ARHGEF10L: variants seen among roughly 807,000 people sequenced by gnomAD.
The protein encoded by ARHGEF10L is Rho guanine nucleotide exchange factor 10 like.
In ARHGEF10L, 69 loss-of-function variants were observed where a neutral mutation model predicts 141.2. That is an observed-to-expected ratio of 0.49 (90% CI 0.40 to 0.60). ARHGEF10L has a LOEUF of 0.60. Ranked by LOEUF, ARHGEF10L falls within the 20% of genes least tolerant of loss-of-function variation. The probability of loss-of-function intolerance (pLI) is 0.00; values close to 1 mark genes in which losing one functional copy is unlikely to be tolerated. For synonymous variants in ARHGEF10L, 711 were observed against 718.5 expected (o/e 0.99, Z 0.17); for missense variants, 1,482 against 1,734.3 (o/e 0.85, Z 2.58).
chr1:17,641,581 C>A (rs2061331298), intron 21 of ARHGEF10L, among the ~76,000 whole-genome samples: 1 of 152,154 alleles, frequency 6.6e-6, no homozygotes. Flanking sequence ...CAAGATCATG[C>A]CACTGCACTC....
intron 4 of ARHGEF10L, among the ~76,000 whole-genome samples, chr1:17,595,777 G>A (rs2080037235): frequency 1.3e-5 from 2 of 152,182 alleles, no homozygotes; most frequent in Admixed American, 1.3e-4. Context: ...CCACGTGCCA[G>A]CCCCTGTGCC....
intron 7 of ARHGEF10L, among the ~76,000 whole-genome samples, chr1:17,609,129 G>T (rs2059411600): frequency 6.6e-6 from 1 of 152,190 alleles, no homozygotes; most frequent in Non-Finnish European, 1.5e-5. Context: ...GCTCCACCTG[G>T]GGCCATTCCT....
At chr1:17,635,468 C>T (rs1396216485) in intron 18 of ARHGEF10L, among the ~76,000 whole-genome samples, 1 of 152,206 alleles carries the variant, frequency 6.6e-6, no homozygotes, top group Non-Finnish European at 1.5e-5. Context: ...TCCCTCTGCC[C>T]CTTCTCTCTG....
At position 17,644,882 on chromosome 1, in the gene ARHGEF10L, C is replaced by T. The variant is rs2061505338; in HGVS notation, c.2273-3672C>T. 6.6e-6 allele frequency among the ~76,000 whole-genome samples: 1 copy of T among 152,162 alleles called. No individual in the cohort carries two copies. Among genetic ancestry groups the T allele is most frequent in the Non-Finnish European group, 1.5e-5 (1 of 68,034 alleles). On this transcript the variant is annotated intron_variant, in intron 21 of 28. Transcript: ENST00000361221. The surrounding 1 kb of genome is among the most constrained non-coding windows in gnomAD (Gnocchi z 4.5). ...GTCATGATATATATGATTTCCAGTGCTCACAACTCCAGATGGTTGGCGTTC... is the reference window on the plus strand; with the variant it reads ...GTCATGATATATATGATTTCCAGTGTTCACAACTCCAGATGGTTGGCGTTC...
At chr1:17,676,987 G>A (rs1197507176) in intron 26 of ARHGEF10L, among the ~76,000 whole-genome samples, 3 of 151,800 alleles carry the variant, frequency 2.0e-5, no homozygotes, top group East Asian at 1.9e-4. Context: ...TCTCTGCATC[G>A]GGCCGTAAAC....
rs561087723 is a variant in ARHGEF10L, at chr1:17,585,490, C to A, written c.38-1970C>A. On this transcript the variant is annotated intron_variant, in intron 2 of 28. Transcript: ENST00000361221. Reference sequence around the variant, plus strand: ...CCACATCGCTGCCCAGAGTCCACCCCTGCTGACCTGGCCTGTGGGATCCCC... The same window carrying A: ...CCACATCGCTGCCCAGAGTCCACCCATGCTGACCTGGCCTGTGGGATCCCC... Among the ~76,000 whole-genome samples the A allele has an allele frequency of 2.6e-5, 4 of 152,298 alleles. No homozygotes were observed. In the East Asian group the frequency reaches 5.8e-4, roughly 22 times the overall value.
Position 17,638,706 on chromosome 1 carries a change from T to C in ARHGEF10L, c.2171+17T>C, listed in dbSNP as rs775663231. The C allele has an allele frequency of 1.2e-6, 2 of 1,613,422 alleles. No individual in the cohort carries two copies. The highest frequency in any genetic ancestry group is 1.7e-5 in the Admixed American group (1 of 60,010). ...ACCCGACAAGTGAGAGGAGGGGGTC[T>C]TGGAGGGAGGGCTGCTGCCTCTGCT... is the stretch of plus-strand genomic sequence containing the variant. On this transcript the variant is annotated intron_variant, in intron 20 of 28. Transcript: ENST00000361221.
intron 1 of ARHGEF10L, among the ~76,000 whole-genome samples, chr1:17,571,918 T>C (rs2078017752): frequency 6.6e-6 from 1 of 152,214 alleles, no homozygotes; most frequent in South Asian, 2.1e-4. Context: ...AAAGACGTCC[T>C]TGTACCATGC....
intron 21 of ARHGEF10L, among the ~76,000 whole-genome samples, chr1:17,646,561 T>C (rs1048394508): frequency 6.6e-6 from 1 of 152,128 alleles, no homozygotes; most frequent in African/African-American, 2.4e-5. Flanking sequence ...CCTACCTCCA[T>C]GTGCACACAC....
chr1:17,619,359 A>G lies in ARHGEF10L; in HGVS notation c.856A>G (p.Met286Val). 2 of 1,613,066 alleles carry G rather than the reference A, an allele frequency of 1.2e-6. No homozygotes were observed. Among genetic ancestry groups the G allele is most frequent in the South Asian group, 2.2e-5 (2 of 90,970 alleles). The change falls in exon 10 of 29, where the codon ATG (methionine) becomes GTG (valine). Residue 286 changes from methionine to valine, a missense_variant. By Grantham distance (21) the Met-to-Val change is conservative. Transcript: ENST00000361221. This position sits in a 1 kb window ranked among gnomAD's most constrained non-coding sequence, Gnocchi z 5.0. ...TCCAGGTGACTCGGAGGAGGAGGAC[A>G]TGGGGCTCCTGGAGGTCAGCGTTTC... ...DVLGDSEEED[M>V]GLLEVSVSDI... is the part of the protein sequence containing the mutation.
intron 21 of ARHGEF10L, among the ~76,000 whole-genome samples, chr1:17,641,973 TCCG>T: frequency 6.9e-6 from 1 of 145,476 alleles, no homozygotes; most frequent in Non-Finnish European, 1.5e-5. Context: ...AGAGTGAGAC[TCCG>T]TCTTAAAAAA....
chr1:17,556,317 G>A (rs1177380706), intron 1 of ARHGEF10L, among the ~76,000 whole-genome samples: 1 of 137,142 alleles, frequency 7.3e-6, no homozygotes, highest in African/African-American at 2.8e-5. Flanking sequence ...GAGCACGGGG[G>A]TGGGCCTGGG....
At chr1:17,560,203 C>T (rs2077491135) in intron 1 of ARHGEF10L, among the ~76,000 whole-genome samples, 1 of 152,112 alleles carries the variant, frequency 6.6e-6, no homozygotes, top group Admixed American at 6.5e-5. Context: ...GCAGGGGCTG[C>T]TGTATCTATT....
At chr1:17,605,371 A>G (rs2081072739) in intron 6 of ARHGEF10L, among the ~76,000 whole-genome samples, 1 of 152,258 alleles carries the variant, frequency 6.6e-6, no homozygotes, top group Non-Finnish European at 1.5e-5. Context: ...GAACTGGGGC[A>G]ATAATAGCCA....
chr1:17,664,740 C>A, intron 26 of ARHGEF10L, 145 bp downstream of exon 26: 1 of 1,094,682 alleles, frequency 9.1e-7, no homozygotes, highest in Non-Finnish European at 1.2e-6. Flanking sequence ...GCAGAGGGGG[C>A]CCAAGGTCCC....
At position 17,607,661 on chromosome 1, in the gene ARHGEF10L, G is replaced by A. The variant is rs139409813; in HGVS notation, c.434-141G>A. ...ATCATCTTCGTTTCATGGTTGAGGA[G>A]GTAGAGCTGGAGCCCCAGGGCCCCC... On this transcript the variant is annotated intron_variant, in intron 6 of 28. Transcript: ENST00000361221. This position sits in a 1 kb window ranked among gnomAD's most constrained non-coding sequence, Gnocchi z 4.5. The A allele has an allele frequency of 1.4e-3, 1,116 of 777,176 alleles. 9 individuals carry two copies. The highest frequency in any genetic ancestry group is 0.013 in the South Asian group (529 of 42,096). 48.1% of individuals were successfully genotyped at this position (777,176 alleles called of 1,614,324 possible). A position where few individuals can be genotyped will look rare whatever the true frequency, so the allele number is the denominator to read the frequency against.
chr1:17,625,584 G>A lies in ARHGEF10L; in HGVS notation c.1318-372G>A, dbSNP rs2060336842. Among the ~76,000 whole-genome samples, 1 of 152,192 alleles carries A rather than the reference G, an allele frequency of 6.6e-6. No individual in the cohort carries two copies. ...AAGAGACAGGACAGAAGGTCCCCCT[G>A]TGCCCCGCCCCTTACCCTAGCCCAA... On this transcript the variant is annotated intron_variant, in intron 13 of 28. Coordinates refer to ENST00000361221, the MANE Select transcript of ARHGEF10L (RefSeq NM_018125.4). The surrounding 1 kb of genome is among the most constrained non-coding windows in gnomAD (Gnocchi z 4.5).
chr1:17,638,443 G>A, intron 19 of ARHGEF10L, 119 bp from the exon 20 acceptor site: 1 of 1,443,250 alleles, frequency 6.9e-7, no homozygotes, highest in Non-Finnish European at 9.4e-7. Flanking sequence ...GCCTCAGTGA[G>A]GCTCCAGGAC....
chr1:17,656,581 T>G lies in ARHGEF10L; in HGVS notation c.2733T>G (p.Thr911=), dbSNP rs944934536. The stretch of plus-strand genomic sequence containing the variant: ...TCCTCCTCTACAGCAGTGTGGACAC[T>G]GGCACCCAGTGCCTGGTGAGCTGCA... ...GSILLYSSVD[T]GTQCLVSCRS... The change falls in exon 25 of 29, where the codon ACT becomes ACG. Residue 911 remains threonine, a synonymous_variant. Coordinates refer to ENST00000361221, the MANE Select transcript of ARHGEF10L (RefSeq NM_018125.4). The surrounding 1 kb of genome is among the most constrained non-coding windows in gnomAD (Gnocchi z 4.9). The G allele has an allele frequency of 1.9e-6, 3 of 1,612,990 alleles. No homozygotes were observed. Among genetic ancestry groups the G allele is most frequent in the African/African-American group, 2.7e-5 (2 of 74,910 alleles).
Sources: gnomAD v4.1 joint callset for allele counts (sites outside exome capture counted in the v4.1 genomes callset) on GRCh38, gnomAD v4.1.1 for gene constraint, Gnocchi (gnomAD v3.1) non-coding constraint, MANE v1.5 for transcripts, NCBI Gene and HGNC (gene_info 2026-07-23, HGNC 2026-07-21) for gene names.